Variants in CLCN1 observed in about 807,000 individuals in gnomAD.
CLCN1 encodes chloride voltage-gated channel 1.
Under a neutral mutation model 114.5 loss-of-function variants are expected in CLCN1, and 100 were observed. That is an observed-to-expected ratio of 0.87 (90% confidence interval 0.74 to 1.03). The LOEUF is 1.03. CLCN1 is among the 50% of genes least tolerant of loss of function. The pLI is 0.00. For synonymous variants in CLCN1, 485 were observed against 487.1 expected (o/e 1.00, Z 0.06); for missense variants, 1,188 against 1,250.0 (o/e 0.95, Z 0.75).
intron 11 of CLCN1, 32 bp from the exon 12 acceptor site, chr7:143,332,692 G>A (rs760863010): frequency 1.2e-6 from 2 of 1,613,282 alleles, no homozygotes; most frequent in South Asian, 1.1e-5. Context: ...GTTCCCTGGA[G>A]AACCCACCCT....
At position 143,351,567 on chromosome 7, in the gene CLCN1, C is replaced by T. The variant is rs543699869; in HGVS notation, c.2596-27C>T. On this transcript the variant is annotated intron_variant, in intron 22 of 22. Coordinates refer to ENST00000343257, the MANE Select transcript of CLCN1 (RefSeq NM_000083.3). ...TTTTTTCTTTTTCCAACTTTTTACC[C>T]TCTTTTCCTTTCCCACTGCTCTTCA... 2.5e-6 allele frequency: 4 copies of T among 1,612,986 alleles called. No individual in the cohort carries two copies. In the South Asian group the frequency reaches 3.3e-5, roughly 13 times the overall value.
In CLCN1 at chr7:143,320,757, G is replaced by A; in HGVS notation, c.395G>A (p.Ser132Asn). Residue 132 changes from serine to asparagine, a missense_variant, in exon 3 of 23, where the codon AGC becomes AAC. By Grantham distance (46) the Ser-to-Asn change is conservative. Transcript: ENST00000343257. Reference sequence around the variant, plus strand: ...CTGGGACTGCTGATGGCTCTGGTCAGCTGGAGCATGGACTACGTCAGTGCC... The same window carrying A: ...CTGGGACTGCTGATGGCTCTGGTCAACTGGAGCATGGACTACGTCAGTGCC... ...VLLGLLMALV[S>N]WSMDYVSAKS... The A allele has an allele frequency of 6.2e-7, 1 of 1,613,812 alleles. No individual in the cohort carries two copies. The highest frequency in any genetic ancestry group is 8.5e-7 in the Non-Finnish European group (1 of 1,179,766).
At chr7:143,320,576 T>G in intron 2 of CLCN1, 88 bp from the exon 3 acceptor site, 1 of 1,135,442 alleles carries the variant, frequency 8.8e-7, no homozygotes. Flanking sequence ...TCTCTCTCTC[T>G]CTCTCTCTCT....
intron 17 of CLCN1, 107 bp from the exon 18 acceptor site, chr7:143,346,033 G>A (rs1295927453): frequency 3.5e-6 from 3 of 869,502 alleles, no homozygotes; most frequent in Non-Finnish European, 5.8e-6. Flanking sequence ...TCTGAACTGG[G>A]GGGAAGAATA....
In CLCN1 at chr7:143,321,290, C is replaced by A; in HGVS notation, c.434-75C>A. 6.4e-7 allele frequency: 1 copy of A among 1,570,162 alleles called. No homozygotes were observed. The highest frequency in any genetic ancestry group is 1.3e-5 in the African/African-American group (1 of 74,132). ...GAAGGAGCACGGCCTGAGAACATGC[C>A]GGGTACACGTCCTGGTGCCGTGGAC... On this transcript the variant is annotated intron_variant, in intron 3 of 22. Transcript: ENST00000343257. This position sits in a 1 kb window ranked among gnomAD's most constrained non-coding sequence, Gnocchi z 4.2.
At chr7:143,338,788 T>A (rs1308508612) in intron 12 of CLCN1, among the ~76,000 whole-genome samples, 6 of 135,666 alleles carry the variant, frequency 4.4e-5, no homozygotes, top group African/African-American at 1.7e-4. Flanking sequence ...AGAGAGACCC[T>A]GTCTCAAAAA....
intron 1 of CLCN1, among the ~76,000 whole-genome samples, chr7:143,316,679 C>T (rs1264732773): frequency 2.6e-5 from 4 of 152,288 alleles, no homozygotes; most frequent in Middle Eastern, 3.4e-3. Context: ...ATAGCTCGTG[C>T]TTACATAACC....
intron 7 of CLCN1, among the ~76,000 whole-genome samples, chr7:143,327,660 T>C (rs1006787077): frequency 6.6e-6 from 1 of 152,100 alleles, no homozygotes; most frequent in African/African-American, 2.4e-5. Context: ...ATTAATTTTA[T>C]TTTTTTCTTT....
chr7:143,330,754 A>G lies in CLCN1; in HGVS notation c.854-18A>G. The G allele has an allele frequency of 1.2e-6, 2 of 1,613,828 alleles. No individual in the cohort carries two copies. The highest frequency in any genetic ancestry group is 8.5e-7 in the Non-Finnish European group (1 of 1,179,920). On this transcript the variant is annotated intron_variant, in intron 7 of 22. Coordinates refer to ENST00000343257, the MANE Select transcript of CLCN1 (RefSeq NM_000083.3). ...TTCACTGCTGGCTGCCCCCAACCAC[A>G]CTTCTGTGCCCCTGCAGGAGTGCTA...
Position 143,333,059 on chromosome 7 carries a change from C to T in CLCN1, c.1401+186C>T, listed in dbSNP as rs1053277277. Among the ~76,000 whole-genome samples the T allele has an allele frequency of 2.6e-5, 4 of 152,200 alleles. No individual in the cohort carries two copies. The South Asian group carries it at 8.3e-4, about 32-fold the overall frequency. On this transcript the variant is annotated intron_variant, in intron 12 of 22. Coordinates refer to ENST00000343257, the MANE Select transcript of CLCN1 (RefSeq NM_000083.3). ...CACACCTGTAATCCCACCACTTTGG[C>T]AGGCTGAGGCAGGTGGATCACTTGA...
chr7:143,333,603 T>A (rs968017824), intron 12 of CLCN1, among the ~76,000 whole-genome samples: 6 of 152,254 alleles, frequency 3.9e-5, no homozygotes, highest in Non-Finnish European at 7.3e-5. Flanking sequence ...GATTTGAGCA[T>A]CTTTTTTCCC....
chr7:143,339,113 A>C lies in CLCN1; in HGVS notation c.1402-140A>C. The C allele has an allele frequency of 1.3e-6, 1 of 760,390 alleles. No homozygotes were observed. The highest frequency in any genetic ancestry group is 2.4e-6 in the Non-Finnish European group (1 of 411,446). 47.1% of individuals were successfully genotyped at this position (760,390 alleles called of 1,614,324 possible). ...CTCTATGGCTTTTGTTTCTGGAAGA[A>C]GGGTGACAGACAAAGTGACTTTCAG... On this transcript the variant is annotated intron_variant, in intron 12 of 22. Transcript: ENST00000343257. This position sits in a 1 kb window ranked among gnomAD's most constrained non-coding sequence, Gnocchi z 4.1.
chr7:143,319,631 G>T (rs2116834226), intron 1 of CLCN1, 124 bp from the exon 2 acceptor site: 3 of 972,130 alleles, frequency 3.1e-6, no homozygotes, highest in South Asian at 2.6e-5. Context: ...CACCCTGCAT[G>T]CAGTCAACAC....
Position 143,332,493 on chromosome 7 carries a change from T to C in CLCN1, c.1241T>C (p.Met414Thr), listed in dbSNP as rs368276618. The C allele has an allele frequency of 6.2e-7, 1 of 1,613,798 alleles. No homozygotes were observed. Among genetic ancestry groups the C allele is most frequent in the Admixed American group, 1.7e-5 (1 of 60,020 alleles). ...FTFPPGMGQF[M>T]AGELMPREAI... ...TTCCCACCAGGAATGGGTCAATTCATGGCTGGAGAGGTCAGCTGTTGGTGG... is the reference window on the plus strand; with the variant it reads ...TTCCCACCAGGAATGGGTCAATTCACGGCTGGAGAGGTCAGCTGTTGGTGG... The change falls in exon 11 of 23, where the codon ATG (methionine) becomes ACG (threonine). Residue 414 changes from methionine (M) to threonine (T), a missense_variant. Met to Thr is a moderately conservative substitution (Grantham distance 81, BLOSUM62 -1). Transcript: ENST00000343257.
rs1469873859 is a variant in CLCN1 at position 143,350,375 on chromosome 7, G to A, written c.2407G>A (p.Glu803Lys). ...LVDNMSPEEI[E>K]AWEQEQLSQP... The stretch of plus-strand genomic sequence containing the variant: ...ACTTTCCTCCTCTGGCTGACAGATT[G>A]AGGCCTGGGAGCAGGAGCAGCTGAG... The change falls in exon 21 of 23, where the codon GAG becomes AAG. Residue 803 changes from glutamate (E) to lysine (K), a missense_variant. By Grantham distance (56) the Glu-to-Lys change is moderately conservative (BLOSUM62 1). Coordinates refer to ENST00000343257, the MANE Select transcript of CLCN1 (RefSeq NM_000083.3). This position sits in a 1 kb window ranked among gnomAD's most constrained non-coding sequence, Gnocchi z 5.1. 3.1e-6 allele frequency: 5 copies of A among 1,613,512 alleles called. No individual in the cohort carries two copies. The highest frequency in any genetic ancestry group is 8.5e-7 in the Non-Finnish European group (1 of 1,179,562).
At chr7:143,333,255 C>T (rs1187169659) in intron 12 of CLCN1, among the ~76,000 whole-genome samples, 1 of 151,004 alleles carries the variant, frequency 6.6e-6, no homozygotes, top group African/African-American at 2.4e-5. Flanking sequence ...GAGCCAAGAT[C>T]GTGCCATTGC....
chr7:143,336,302 G>T (rs1430754598), intron 12 of CLCN1, among the ~76,000 whole-genome samples: 1 of 149,592 alleles, frequency 6.7e-6, no homozygotes, highest in African/African-American at 2.5e-5. Flanking sequence ...GTTTAAAATC[G>T]TGGTAGTTCT....
chr7:143,345,417 G>A, intron 16 of CLCN1, 104 bp from the exon 17 acceptor site: 2 of 1,372,536 alleles, frequency 1.5e-6, no homozygotes, highest in Non-Finnish European at 9.7e-7. Flanking sequence ...ATGTGGGGAC[G>A]CCGGGCAGGG....
Position 143,342,021 on chromosome 7 carries a change from A to G in CLCN1, c.1675A>G (p.Met559Val). ...LTGQIAHILP[M>V]MVAVILANMV... ...GGGTCAGATTGCTCACATCCTGCCC[A>G]TGATGGTGGCTGTTATCTTGGCCAA... The change falls in exon 15 of 23, where the codon ATG (methionine) becomes GTG (valine). Residue 559 changes from methionine (M) to valine (V), a missense_variant. Physicochemically the swap from Met to Val is conservative, Grantham distance 21. Coordinates refer to ENST00000343257, the MANE Select transcript of CLCN1 (RefSeq NM_000083.3). 1.9e-6 allele frequency: 3 copies of G among 1,614,208 alleles called. No individual in the cohort carries two copies. The highest frequency in any genetic ancestry group is 2.5e-6 in the Non-Finnish European group (3 of 1,180,040).
Sources: allele counts gnomAD v4.1 joint callset (sites outside exome capture counted in the v4.1 genomes callset), GRCh38; gene constraint gnomAD v4.1.1; non-coding constraint Gnocchi (gnomAD v3.1); transcripts MANE v1.5; gene names NCBI Gene and HGNC (gene_info 2026-07-23, HGNC 2026-07-21).